The following LRRC69 variants were observed in gnomAD, a reference collection of about 807,000 sequenced individuals.
The protein encoded by LRRC69 is leucine-rich repeat-containing protein 69.
Under a neutral mutation model 37.8 loss-of-function variants are expected in LRRC69, and 42 were observed. The observed-to-expected ratio is 1.11, with a 90% CI of 0.87 to 1.44. The LOEUF (loss-of-function observed/expected upper bound fraction) is 1.44. Ranked by LOEUF, LRRC69 falls within the 40% of genes most tolerant of loss-of-function variation. The probability of loss-of-function intolerance (pLI) is 0.00; values close to 1 mark genes in which losing one functional copy is unlikely to be tolerated. For synonymous variants in LRRC69, 141 were observed against 143.1 expected, an observed-to-expected ratio of 0.99 and a Z score of 0.11; for missense variants, 357 against 401.9, an observed-to-expected ratio of 0.89 and a Z score of 0.96.
intron 7 of LRRC69, among the ~76,000 whole-genome samples, chr8:91,210,473 G>T (rs1809888951): frequency 6.6e-6 from 1 of 151,746 alleles, no homozygotes; most frequent in Non-Finnish European, 1.5e-5. Flanking sequence ...CTGTTGACTT[G>T]CAGAGTAAGA....
rs370682283 is a variant in LRRC69 at position 91,130,017 on chromosome 8, C to T, written c.383+2857C>T. Among the ~76,000 whole-genome samples the T allele has an allele frequency of 7.2e-4, 110 of 151,978 alleles. 4 individuals are homozygous for T. In the South Asian group the frequency reaches 0.022, roughly 31 times the overall value. On this transcript the variant is annotated intron_variant, in intron 3 of 7. Transcript: ENST00000448384. Reference sequence around the variant, plus strand: ...TATTCAATGCATTTTGACAAATGTACGCACACCAATAAGATGTAGAACATT... The same window carrying T: ...TATTCAATGCATTTTGACAAATGTATGCACACCAATAAGATGTAGAACATT...
At chr8:91,131,271 A>C (rs1453824396) in intron 3 of LRRC69, among the ~76,000 whole-genome samples, 82 of 145,512 alleles carry the variant, frequency 5.6e-4, no homozygotes, top group African/African-American at 2.1e-3. Context: ...ATGGGGTCTC[A>C]CTATGTTTTC....
At chr8:91,180,745 GTAGTT>G (rs1460836572) in intron 5 of LRRC69, among the ~76,000 whole-genome samples, 2 of 152,156 alleles carry the variant, frequency 1.3e-5, no homozygotes, top group Non-Finnish European at 2.9e-5. Context: ...AATGCACAGG[GTAGTT>G]TAGAGGGAAT....
intron 6 of LRRC69, among the ~76,000 whole-genome samples, chr8:91,197,699 G>A (rs553110352): frequency 3.4e-4 from 52 of 152,142 alleles, no homozygotes; most frequent in Non-Finnish European, 5.7e-4. Context: ...ACCCTGCTTC[G>A]GCTCGCGCAC....
intron 5 of LRRC69, among the ~76,000 whole-genome samples, chr8:91,187,664 T>C (rs10087552): frequency 0.64 from 97,079 of 151,340 alleles, 31,453 homozygotes; most frequent in Middle Eastern, 0.74. Flanking sequence ...CTTCCTGTCT[T>C]CATTCATACT....
At chr8:91,112,909 A>G (rs1813433960) in intron 1 of LRRC69, among the ~76,000 whole-genome samples, 2 of 152,026 alleles carry the variant, frequency 1.3e-5, no homozygotes, top group Non-Finnish European at 2.9e-5. Flanking sequence ...CTAAAAATCA[A>G]TCATATTTCT....
At chr8:91,192,640 T>G (rs1225086535) in intron 6 of LRRC69, among the ~76,000 whole-genome samples, 1 of 152,222 alleles carries the variant, frequency 6.6e-6, no homozygotes, top group Non-Finnish European at 1.5e-5. Flanking sequence ...TGCATAAATG[T>G]CTTCTTTTGA....
At chr8:91,197,562 C>T (rs1000649786) in intron 6 of LRRC69, among the ~76,000 whole-genome samples, 1 of 152,098 alleles carries the variant, frequency 6.6e-6, no homozygotes, top group Non-Finnish European at 1.5e-5. Flanking sequence ...GTTTTTTAAG[C>T]CCGTCGGAAA....
At chr8:91,174,798 G>A (rs914686829) in intron 5 of LRRC69, among the ~76,000 whole-genome samples, 2 of 152,146 alleles carry the variant, frequency 1.3e-5, no homozygotes, top group African/African-American at 4.8e-5. Flanking sequence ...TGTAACTAGT[G>A]CTGCAAGGTT....
At chr8:91,197,748 C>T (rs1809639585) in intron 6 of LRRC69, among the ~76,000 whole-genome samples, 1 of 152,048 alleles carries the variant, frequency 6.6e-6, no homozygotes, top group Admixed American at 6.5e-5. Context: ...CTGTCTGGCA[C>T]TCCCTAGTGA....
chr8:91,139,585 G>A (rs367963098), intron 5 of LRRC69, among the ~76,000 whole-genome samples: 35 of 151,096 alleles, frequency 2.3e-4, no homozygotes, highest in African/African-American at 7.5e-4. Context: ...GTGAACCCGG[G>A]AGGCGGAGCT....
chr8:91,154,018 A>G (rs1173880100), intron 5 of LRRC69, among the ~76,000 whole-genome samples: 1 of 151,918 alleles, frequency 6.6e-6, no homozygotes, highest in African/African-American at 2.4e-5. Flanking sequence ...GCTCAATGAA[A>G]ACTACAAAGG....
intron 6 of LRRC69, among the ~76,000 whole-genome samples, chr8:91,198,046 T>A (rs946281399): frequency 7.2e-5 from 11 of 152,338 alleles, no homozygotes; most frequent in Non-Finnish European, 1.0e-4. Flanking sequence ...TCAATGTTAC[T>A]GATTAAAGTA....
At chr8:91,200,551 CAATGT>C in intron 6 of LRRC69, 57 bp from the exon 7 acceptor site, 1 of 1,052,674 alleles carries the variant, frequency 9.5e-7, no homozygotes, top group Non-Finnish European at 1.3e-6. Flanking sequence ...AAATGGAAAT[CAATGT>C]AATGTAAAAT....
In LRRC69 at chr8:91,135,120, G is replaced by C. The variant is rs141440876; in HGVS notation, c.580-548G>C. 3.2e-4 allele frequency among the ~76,000 whole-genome samples: 49 copies of C among 152,122 alleles called. 1 individual carries two copies. The East Asian group carries it at 8.9e-3, about 28-fold the overall frequency. The stretch of plus-strand genomic sequence containing the variant: ...CATGAGATACTGAAGGAACACATTG[G>C]AGTCTGAAAATCTCTGCAGCTAAAA... On this transcript the variant is annotated intron_variant, in intron 4 of 7. Transcript: ENST00000448384.
chr8:91,139,609 G>GA (rs1347315579), intron 5 of LRRC69, among the ~76,000 whole-genome samples: 2 of 151,298 alleles, frequency 1.3e-5, no homozygotes, highest in Admixed American at 1.3e-4. Flanking sequence ...AGTGAGCCGA[G>GA]ATTGCACCAC....
chr8:91,149,649 G>A (rs1448761169), intron 5 of LRRC69, among the ~76,000 whole-genome samples: 1 of 151,880 alleles, frequency 6.6e-6, no homozygotes, highest in Non-Finnish European at 1.5e-5. Flanking sequence ...GATGGGGATG[G>A]CATTGAATCT....
chr8:91,205,190 C>T (rs1809781855), intron 7 of LRRC69, among the ~76,000 whole-genome samples: 1 of 152,100 alleles, frequency 6.6e-6, no homozygotes, highest in Non-Finnish European at 1.5e-5. Context: ...AGCTATCCTT[C>T]ATACCAAGTA....
At chr8:91,122,841 C>G (rs941210898) in intron 1 of LRRC69, among the ~76,000 whole-genome samples, 5 of 151,984 alleles carry the variant, frequency 3.3e-5, no homozygotes, top group Non-Finnish European at 5.9e-5. Flanking sequence ...GATGCCCACA[C>G]CTAATCCCCC....
Sources: gnomAD v4.1 joint callset for allele counts (sites outside exome capture counted in the v4.1 genomes callset) on GRCh38, gnomAD v4.1.1 for gene constraint, MANE v1.5 for transcripts, NCBI Gene and HGNC (gene_info 2026-07-23, HGNC 2026-07-21) for gene names.